NCOA1: variants seen among roughly 807,000 people sequenced by gnomAD.
NCOA1 encodes the protein Hin-2 protein.
In NCOA1, 35 loss-of-function variants were observed where a neutral mutation model predicts 150.9. The observed-to-expected ratio is 0.23, with a 90% CI of 0.18 to 0.31. The LOEUF (loss-of-function observed/expected upper bound fraction) is 0.31, where lower values mean the gene tolerates loss of function less well. Ranked by LOEUF, NCOA1 falls within the 10% of genes least tolerant of loss-of-function variation. The probability of loss-of-function intolerance (pLI) is 1.00; values close to 1 mark genes in which losing one functional copy is unlikely to be tolerated. For synonymous variants in NCOA1, 590 were observed against 630.0 expected (o/e 0.94, Z 0.95); for missense variants, 1,491 against 1,749.3 (o/e 0.85, Z 2.63).
intron 3 of NCOA1, among the ~76,000 whole-genome samples, chr2:24,602,940 A>G (rs1406635844): frequency 6.6e-6 from 1 of 152,182 alleles, no homozygotes; most frequent in African/African-American, 2.4e-5. Context: ...CTTGATTTTT[A>G]AAAAGGTTTT....
chr2:24,647,673 A>G (rs1473120123), intron 4 of NCOA1, among the ~76,000 whole-genome samples: 1 of 152,222 alleles, frequency 6.6e-6, no homozygotes, highest in Non-Finnish European at 1.5e-5. Flanking sequence ...CAATATATAT[A>G]TAATGTCATA....
At chr2:24,530,889 C>G (rs756317818) in intron 1 of NCOA1, among the ~76,000 whole-genome samples, 1 of 152,106 alleles carries the variant, frequency 6.6e-6, no homozygotes, top group Non-Finnish European at 1.5e-5. Context: ...ATGGAGATTT[C>G]TTATATATCA....
At chr2:24,581,304 C>G (rs1455755655) in intron 2 of NCOA1, among the ~76,000 whole-genome samples, 1 of 152,214 alleles carries the variant, frequency 6.6e-6, no homozygotes, top group Non-Finnish European at 1.5e-5. Flanking sequence ...AAAAGGAGGT[C>G]TCATTATCAC....
At chr2:24,566,356 G>A (rs1666505651) in intron 2 of NCOA1, among the ~76,000 whole-genome samples, 1 of 151,854 alleles carries the variant, frequency 6.6e-6, no homozygotes, top group Non-Finnish European at 1.5e-5. Context: ...GGAGACCCTG[G>A]AGTGGGCAGC....
At chr2:24,499,713 C>A (rs966978315) in intron 1 of NCOA1, among the ~76,000 whole-genome samples, 1 of 152,140 alleles carries the variant, frequency 6.6e-6, no homozygotes, top group Non-Finnish European at 1.5e-5. Flanking sequence ...ATTTATAGTT[C>A]ATGATTTATT....
At chr2:24,758,938 G>C (rs1664636726) in intron 21 of NCOA1, among the ~76,000 whole-genome samples, 1 of 152,004 alleles carries the variant, frequency 6.6e-6, no homozygotes, top group South Asian at 2.1e-4. Context: ...CAGTGAGCTG[G>C]TAATTGCGCC....
intron 2 of NCOA1, among the ~76,000 whole-genome samples, chr2:24,571,442 T>G (rs1666741136): frequency 6.6e-6 from 1 of 152,188 alleles, no homozygotes; most frequent in African/African-American, 2.4e-5. Flanking sequence ...GGCTCTCTTC[T>G]CAGCACTTTA....
rs36086647 is a variant in NCOA1 at position 24,537,239 on chromosome 2, T to TACAC, written c.-395-27030_-395-27027dup. ...AAATCAATAAGGTAACTGTGATACATACACACACACACACACACACACACA... is the reference window on the plus strand; with the variant it reads ...AAATCAATAAGGTAACTGTGATACATACACACACACACACACACACACACACACA... On this transcript the variant is annotated intron_variant, in intron 1 of 22. Coordinates refer to ENST00000348332, the MANE Select transcript of NCOA1 (RefSeq NM_003743.5). 7.2e-3 allele frequency among the ~76,000 whole-genome samples: 1,076 copies of TACAC among 148,700 alleles called. 12 individuals carry two copies. Among genetic ancestry groups the TACAC allele is most frequent in the African/African-American group, 0.02 (808 of 40,088 alleles).
Position 24,728,329 on chromosome 2 carries a change from A to T in NCOA1, c.2739A>T (p.Leu913Phe), listed in dbSNP as rs768559781. 1 of 1,612,566 alleles carries T rather than the reference A, an allele frequency of 6.2e-7. No homozygotes were observed. The change falls in exon 16 of 23, where the codon TTA becomes TTT. Residue 913 changes from leucine to phenylalanine, a missense_variant. Physicochemically the swap from Leu to Phe is conservative, Grantham distance 22. Around this residue, in one of 8 missense-constraint regions of NCOA1, gnomAD observed 703 missense variants for 717.7 expected, o/e 0.98. Transcript: ENST00000348332. Reference sequence around the variant, plus strand: ...GCAGCCAGTGTATTAGCTCACAATTAGATGAGCTTCTCTGTCCACCCACAA... The same window carrying T: ...GCAGCCAGTGTATTAGCTCACAATTTGATGAGCTTCTCTGTCCACCCACAA... ...KSEDQCISSQ[L>F]DELLCPPTTV... is the part of the protein sequence containing the mutation.
chr2:24,502,126 T>A (rs1663488568), intron 1 of NCOA1, among the ~76,000 whole-genome samples: 1 of 152,116 alleles, frequency 6.6e-6, no homozygotes, highest in South Asian at 2.1e-4. Context: ...AACCCCCAAT[T>A]AAAAAGAGTG....
At chr2:24,643,848 C>T (rs1558868083) in intron 3 of NCOA1, 118 bp from the exon 4 acceptor site, 1 of 152,090 alleles carries the variant, frequency 6.6e-6, no homozygotes, top group Admixed American at 6.5e-5. Flanking sequence ...TTTTCCATTT[C>T]ACTCTAAAAG....
chr2:24,749,568 T>C (rs1325664306), intron 19 of NCOA1, among the ~76,000 whole-genome samples: 1 of 152,174 alleles, frequency 6.6e-6, no homozygotes, highest in Non-Finnish European at 1.5e-5. Context: ...GGGTATCAAG[T>C]AGAACACTCA....
At position 24,649,495 on chromosome 2, in the gene NCOA1, A is replaced by C. The variant is rs116440367; in HGVS notation, c.-18+5373A>C. Reference sequence around the variant, plus strand: ...CCTGCATAACTCTATGTCACTCTTAAGATAACTGGATTCATAGTTTCATAA... The same window carrying C: ...CCTGCATAACTCTATGTCACTCTTACGATAACTGGATTCATAGTTTCATAA... On this transcript the variant is annotated intron_variant, in intron 4 of 22. Transcript: ENST00000348332. Among the ~76,000 whole-genome samples the C allele has an allele frequency of 9.5e-3, 1,453 of 152,352 alleles. 20 individuals are homozygous for C. The highest frequency in any genetic ancestry group is 0.033 in the African/African-American group (1,386 of 41,578).
At chr2:24,537,583 A>G (rs1665213481) in intron 1 of NCOA1, among the ~76,000 whole-genome samples, 1 of 151,952 alleles carries the variant, frequency 6.6e-6, no homozygotes, top group Non-Finnish European at 1.5e-5. Context: ...TTGGGGAGAA[A>G]GGTGAGGAAA....
In NCOA1 at chr2:24,769,726, A is replaced by C. The variant is rs893837123; in HGVS notation, c.*1335A>C. 1 of 220,344 alleles carries C rather than the reference A, an allele frequency of 4.5e-6. No individual in the cohort carries two copies. Among genetic ancestry groups the C allele is most frequent in the African/African-American group, 2.2e-5 (1 of 44,590 alleles). The allele number at this position is 220,344 out of a possible 1,614,324, so 13.6% of individuals were successfully genotyped here. A position where few individuals can be genotyped will look rare whatever the true frequency, so the allele number is the denominator to read the frequency against. On this transcript the variant is annotated 3_prime_UTR_variant, in exon 23 of 23. Coordinates refer to ENST00000348332, the MANE Select transcript of NCOA1 (RefSeq NM_003743.5). ...TTGTGACTCTGCCACATCCCATCTC[A>C]TCCTGGCCTCTGAGTCAAGAACCCA...
intron 2 of NCOA1, among the ~76,000 whole-genome samples, chr2:24,569,413 T>A (rs941270744): frequency 6.6e-6 from 1 of 152,118 alleles, no homozygotes; most frequent in Admixed American, 6.5e-5. Context: ...TAGTCTGAAC[T>A]TACAACTTTA....
chr2:24,719,929 T>A (rs1431674573), intron 14 of NCOA1, among the ~76,000 whole-genome samples: 1 of 152,218 alleles, frequency 6.6e-6, no homozygotes, highest in African/African-American at 2.4e-5. Context: ...AAAGAAAGTA[T>A]GGCACAAGAG....
intron 20 of NCOA1, among the ~76,000 whole-genome samples, chr2:24,753,224 C>T (rs1045525138): frequency 2.0e-5 from 3 of 152,130 alleles, no homozygotes. Context: ...TGTGGCCCAT[C>T]ATTATAATCA....
chr2:24,537,443 CATAAT>C (rs902442360), intron 1 of NCOA1, among the ~76,000 whole-genome samples: 8 of 150,834 alleles, frequency 5.3e-5, no homozygotes, highest in East Asian at 1.9e-4. Flanking sequence ...TGTATATATA[CATAAT>C]ATATTTGTGT....
Sources: allele counts gnomAD v4.1 joint callset (sites outside exome capture counted in the v4.1 genomes callset), GRCh38; gene constraint gnomAD v4.1.1; regional missense constraint gnomAD v4.1.1; transcripts MANE v1.5; gene names NCBI Gene and HGNC (gene_info 2026-07-23, HGNC 2026-07-21).